The following PID1 variants were observed in gnomAD, a reference collection of about 807,000 sequenced individuals.
The protein encoded by PID1 is phosphotyrosine interaction domain containing 1.
Under a neutral mutation model 19.1 loss-of-function variants are expected in PID1, and 10 were observed. The ratio of observed to expected loss-of-function variants is 0.52; its 90% CI spans 0.32 to 0.89. PID1 has a LOEUF of 0.89. PID1 is among the 40% of genes least tolerant of loss of function. PID1 has a pLI of 0.03. For missense variants in PID1, 248 were observed against 285.3 expected, an observed-to-expected ratio of 0.87 and a Z score of 0.94; for synonymous variants, 130 against 116.0, an observed-to-expected ratio of 1.12 and a Z score of -0.78.
chr2:229,072,490 A>C (rs1363331543), intron 2 of PID1, among the ~76,000 whole-genome samples: 1 of 152,086 alleles, frequency 6.6e-6, no homozygotes, highest in African/African-American at 2.4e-5. Flanking sequence ...CAGGAGGCTG[A>C]GGCAGGAGAA....
intron 2 of PID1, among the ~76,000 whole-genome samples, chr2:229,029,612 C>T (rs902744092): frequency 1.1e-4 from 16 of 151,860 alleles, no homozygotes; most frequent in Non-Finnish European, 2.2e-4. Flanking sequence ...GAAGGAGAGG[C>T]GGGCGGAACA....
At chr2:229,055,707 A>G (rs1251652762) in intron 2 of PID1, among the ~76,000 whole-genome samples, 1 of 152,254 alleles carries the variant, frequency 6.6e-6, no homozygotes, top group Non-Finnish European at 1.5e-5. Context: ...AAACAAACTT[A>G]CAAAGATATC....
At chr2:229,109,773 A>G (rs1018717849) in intron 2 of PID1, among the ~76,000 whole-genome samples, 1 of 152,222 alleles carries the variant, frequency 6.6e-6, no homozygotes, top group Non-Finnish European at 1.5e-5. Context: ...TATGAACCCA[A>G]CAGATCCATG....
chr2:229,110,745 C>T (rs1440446356), intron 2 of PID1, among the ~76,000 whole-genome samples: 1 of 152,040 alleles, frequency 6.6e-6, no homozygotes, highest in Non-Finnish European at 1.5e-5. Context: ...ATTGTCCAGT[C>T]CTTGGCTGGG....
At chr2:229,238,561 C>T (rs1018261282) in intron 1 of PID1, among the ~76,000 whole-genome samples, 5 of 152,150 alleles carry the variant, frequency 3.3e-5, no homozygotes, top group Non-Finnish European at 7.4e-5. Flanking sequence ...GTACAGCATT[C>T]CCTCTCCTTG....
rs922443485 is a variant in PID1, at chr2:229,271,200, G to C, written c.-157C>G. 8 of 681,836 alleles carry C rather than the reference G, an allele frequency of 1.2e-5. No individual in the cohort carries two copies. Among genetic ancestry groups the C allele is most frequent in the African/African-American group, 5.8e-5 (3 of 52,152 alleles). 42.2% of individuals were successfully genotyped at this position (681,836 alleles called of 1,614,324 possible). Reference sequence around the variant, plus strand: ...CCGCCGGGTGGGCGTAGGGGGCTGCGAGCAGGAGGAGGCGCGGCGCTCAGC... The same window carrying C: ...CCGCCGGGTGGGCGTAGGGGGCTGCCAGCAGGAGGAGGCGCGGCGCTCAGC... On this transcript the variant is annotated 5_prime_UTR_variant, in exon 1 of 3. Transcript: ENST00000392055.
chr2:229,133,667 C>A (rs1689791080), intron 2 of PID1, among the ~76,000 whole-genome samples: 1 of 152,188 alleles, frequency 6.6e-6, no homozygotes, highest in Non-Finnish European at 1.5e-5. Flanking sequence ...ACTGATTTGA[C>A]CTCTTCCATT....
chr2:229,067,886 C>T (rs1199007130), intron 2 of PID1, among the ~76,000 whole-genome samples: 1 of 152,162 alleles, frequency 6.6e-6, no homozygotes, highest in African/African-American at 2.4e-5. Context: ...CAGCCTGGTG[C>T]ATTCTGTGCA....
intron 1 of PID1, among the ~76,000 whole-genome samples, chr2:229,195,020 C>T (rs1455413369): frequency 6.6e-6 from 1 of 151,802 alleles, no homozygotes; most frequent in Non-Finnish European, 1.5e-5. Flanking sequence ...TTACTAATGA[C>T]AGTCAGTGAA....
intron 1 of PID1, among the ~76,000 whole-genome samples, chr2:229,201,530 T>C (rs1027138071): frequency 6.6e-6 from 1 of 152,122 alleles, no homozygotes; most frequent in African/African-American, 2.4e-5. Flanking sequence ...CACCTGTCAA[T>C]GGACACCTGG....
At chr2:229,217,067 G>A (rs541570705) in intron 1 of PID1, among the ~76,000 whole-genome samples, 64 of 152,126 alleles carry the variant, frequency 4.2e-4, no homozygotes, top group Non-Finnish European at 8.4e-4. Context: ...CACATTCAAG[G>A]CTGCTGGAAT....
At position 229,184,425 on chromosome 2, in the gene PID1, A is replaced by C. The variant is rs1482044497; in HGVS notation, c.31-28461T>G. 2.3e-4 allele frequency among the ~76,000 whole-genome samples: 13 copies of C among 57,328 alleles called. 3 individuals are homozygous for C. The highest frequency in any genetic ancestry group is 4.6e-4 in the South Asian group (1 of 2,188). The allele number at this position is 57,328 out of a possible 152,430, so 37.6% of individuals were successfully genotyped here. ...CCGTATATATCTATCCCGTATATAT[A>C]TAGCCCGTATATATATATAGCCCGT... is the stretch of plus-strand genomic sequence containing the variant. On this transcript the variant is annotated intron_variant, in intron 1 of 2. Coordinates refer to ENST00000392055, the MANE Select transcript of PID1 (RefSeq NM_001100818.2).
intron 2 of PID1, among the ~76,000 whole-genome samples, chr2:229,111,596 C>T (rs1440239513): frequency 6.6e-6 from 1 of 152,066 alleles, no homozygotes; most frequent in Admixed American, 6.5e-5. Context: ...CCCTTTATCC[C>T]AACTTAAGTA....
rs1693356527 is a variant in PID1, at chr2:229,024,018, G to T, written c.*1614C>A. 6.6e-6 allele frequency: 1 copy of T among 152,574 alleles called. No individual in the cohort carries two copies. Among genetic ancestry groups the T allele is most frequent in the Admixed American group, 6.6e-5 (1 of 15,264 alleles). 9.5% of individuals were successfully genotyped at this position (152,574 alleles called of 1,614,324 possible). On this transcript the variant is annotated 3_prime_UTR_variant, in exon 3 of 3. Transcript: ENST00000392055. ...TTAATGCAAACATATTTTTATTAAAGAATGAATGCATTTATGCTAAAGAAT... is the reference window on the plus strand; with the variant it reads ...TTAATGCAAACATATTTTTATTAAATAATGAATGCATTTATGCTAAAGAAT...
chr2:229,030,007 G>A (rs183937250), intron 2 of PID1, among the ~76,000 whole-genome samples: 80 of 152,224 alleles, frequency 5.3e-4, no homozygotes, highest in East Asian at 4.0e-3. Flanking sequence ...CCAAGTGTCC[G>A]TTGATAGATG....
At chr2:229,102,157 G>A (rs1695085882) in intron 2 of PID1, among the ~76,000 whole-genome samples, 1 of 152,038 alleles carries the variant, frequency 6.6e-6, no homozygotes, top group African/African-American at 2.4e-5. Context: ...AGATCGCTAA[G>A]CTAACACCTG....
At chr2:229,205,020 C>A (rs1691579503) in intron 1 of PID1, among the ~76,000 whole-genome samples, 1 of 152,020 alleles carries the variant, frequency 6.6e-6, no homozygotes, top group South Asian at 2.1e-4. Context: ...CTAATTCTAT[C>A]CCAAAGTGAA....
chr2:229,162,158 TCTGC>T (rs1458897660), intron 1 of PID1, among the ~76,000 whole-genome samples: 2 of 152,252 alleles, frequency 1.3e-5, no homozygotes, highest in African/African-American at 2.4e-5. Context: ...AGGTTGGCTT[TCTGC>T]ATTGGGTGTT....
intron 1 of PID1, among the ~76,000 whole-genome samples, chr2:229,214,853 T>TACACACACAC (rs201212588): frequency 6.7e-6 from 1 of 148,874 alleles, no homozygotes; most frequent in Non-Finnish European, 1.5e-5. Flanking sequence ...TTTATATAGA[T>TACACACACAC]ACACACACAC....
Sources: allele counts gnomAD v4.1 joint callset (sites outside exome capture counted in the v4.1 genomes callset), GRCh38; gene constraint gnomAD v4.1.1; transcripts MANE v1.5; gene names NCBI Gene and HGNC (gene_info 2026-07-23, HGNC 2026-07-21).